CLSTN1: variants seen among roughly 807,000 people sequenced by gnomAD.
The protein encoded by CLSTN1 is calsyntenin 1, also known as calsyntenin-1.
A neutral mutation model predicts 108.3 loss-of-function variants in CLSTN1; 28 were observed. The ratio of observed to expected loss-of-function variants is 0.26; its 90% CI spans 0.19 to 0.35. The LOEUF (loss-of-function observed/expected upper bound fraction) is 0.35. Ranked by LOEUF, CLSTN1 falls within the 10% of genes least tolerant of loss-of-function variation. The pLI, the probability that CLSTN1 is intolerant of heterozygous loss-of-function variation, is 1.00. For synonymous variants in CLSTN1, 524 were observed against 534.9 expected, an observed-to-expected ratio of 0.98 and a Z score of 0.28; for missense variants, 1,157 against 1,302.6, an observed-to-expected ratio of 0.89 and a Z score of 1.72.
chr1:9,797,744 T>C lies in CLSTN1; in HGVS notation c.92-24350A>G, dbSNP rs554419861. Among the ~76,000 whole-genome samples the C allele has an allele frequency of 3.8e-4, 58 of 152,260 alleles. 1 individual carries two copies. The South Asian group carries it at 0.012, about 30-fold the overall frequency. Reference sequence around the variant, plus strand: ...GGCTTGGCTAGGAAATGAAAGAAGCTGATACGGAGAGAGAGAGGGGAGGAC... The same window carrying C: ...GGCTTGGCTAGGAAATGAAAGAAGCCGATACGGAGAGAGAGAGGGGAGGAC... On this transcript the variant is annotated intron_variant, in intron 1 of 18. Coordinates refer to ENST00000377298, the MANE Select transcript of CLSTN1 (RefSeq NM_001009566.3).
In CLSTN1 at chr1:9,730,462, C is replaced by T; in HGVS notation, c.*46G>A. On this transcript the variant is annotated 3_prime_UTR_variant, in exon 19 of 19. Transcript: ENST00000377298. This position sits in a 1 kb window ranked among gnomAD's most constrained non-coding sequence, Gnocchi z 5.6. ...CCCTTGGGACTGGGAGAACGGATGG[C>T]AGCAGAGTCTTCGAAAGCAGAAACC... 1.3e-6 allele frequency: 2 copies of T among 1,551,736 alleles called. No individual in the cohort carries two copies. The highest frequency in any genetic ancestry group is 8.8e-7 in the Non-Finnish European group (1 of 1,137,744).
Position 9,751,510 on chromosome 1 carries a change from G to C in CLSTN1, c.612C>G (p.Ile204Met), listed in dbSNP as rs1570452261. ...PQFSQICSYE[I>M]ITPDVPFTVD... ...CAGTAAAGGGCACGTCTGGAGTGAT[G>C]ATTTCGTAGCTGCAAATCTGGCTGA... Residue 204 changes from isoleucine (I) to methionine (M), a missense_variant, in exon 5 of 19, where the codon ATC becomes ATG. Physicochemically the swap from Ile to Met is conservative, Grantham distance 10. Transcript: ENST00000377298. 1 of 1,614,160 alleles carries C rather than the reference G, an allele frequency of 6.2e-7. No homozygotes were observed. The highest frequency in any genetic ancestry group is 1.3e-5 in the African/African-American group (1 of 75,044).
chr1:9,777,989 AGG>A (rs1347753071), intron 1 of CLSTN1, among the ~76,000 whole-genome samples: 1 of 151,872 alleles, frequency 6.6e-6, no homozygotes, highest in Non-Finnish European at 1.5e-5. Flanking sequence ...ACGGCAGGGG[AGG>A]GCACTGGAGC....
intron 10 of CLSTN1, among the ~76,000 whole-genome samples, chr1:9,739,588 A>G (rs943020995): frequency 6.6e-6 from 1 of 152,148 alleles, no homozygotes; most frequent in African/African-American, 2.4e-5. Context: ...TCATGCCTGT[A>G]ATCCCAGTAC....
chr1:9,819,840 T>C (rs967271354), intron 1 of CLSTN1, among the ~76,000 whole-genome samples: 24 of 152,208 alleles, frequency 1.6e-4, no homozygotes, highest in Admixed American at 1.4e-3. Context: ...CGAACGACTT[T>C]TTTCCACATC....
rs751890819 is a variant in CLSTN1 at position 9,744,455 on chromosome 1, T to G, written c.1174A>C (p.Met392Leu). 7 of 1,610,556 alleles carry G rather than the reference T, an allele frequency of 4.3e-6. No homozygotes were observed. Among genetic ancestry groups the G allele is most frequent in the Non-Finnish European group, 5.9e-6 (7 of 1,179,912 alleles). Residue 392 changes from methionine to leucine, a missense_variant, in exon 8 of 19, where the codon ATG (methionine) becomes CTG (leucine). Coordinates refer to ENST00000377298, the MANE Select transcript of CLSTN1 (RefSeq NM_001009566.3). ...TTCCTGCCGAATGGCCCATGTCTCA[T>G]CCACACCGAGATGGTGAACGGCTCT... ...PKEPFTISVW[M>L]RHGPFGRKKE...
chr1:9,780,874 C>T (rs567927724), intron 1 of CLSTN1: 1 of 282,972 alleles, frequency 3.5e-6, no homozygotes, highest in Non-Finnish European at 6.4e-6. Context: ...GGCAGCGAAT[C>T]CAAATGCGGT....
rs149205224 is a variant in CLSTN1 at position 9,741,209 on chromosome 1, C to T, written c.1404G>A (p.Pro468=). 135 of 1,613,912 alleles carry T rather than the reference C, an allele frequency of 8.4e-5. No individual in the cohort carries two copies. Among genetic ancestry groups the T allele is most frequent in the Middle Eastern group, 1.6e-4 (1 of 6,084 alleles). ...TGCCATCCACATAGAGAGTCACACT[C>T]GGGAATTCTACATTGAGGACGTAGT... The part of the protein sequence containing the change: ...WHHYVLNVEF[P]SVTLYVDGTS... The change falls in exon 10 of 19, where the codon CCG becomes CCA. Residue 468 remains proline (P), a synonymous_variant. Coordinates refer to ENST00000377298, the MANE Select transcript of CLSTN1 (RefSeq NM_001009566.3).
At chr1:9,788,683 C>T (rs1653611468) in intron 1 of CLSTN1, among the ~76,000 whole-genome samples, 1 of 150,974 alleles carries the variant, frequency 6.6e-6, no homozygotes, top group Non-Finnish European at 1.5e-5. Context: ...CTGGCTAACA[C>T]TTTGAAACCC....
intron 1 of CLSTN1, among the ~76,000 whole-genome samples, chr1:9,804,883 G>C (rs1654439880): frequency 1.3e-5 from 2 of 151,982 alleles, no homozygotes; most frequent in Non-Finnish European, 2.9e-5. Flanking sequence ...CCAGCACTTT[G>C]GGAGGCCGAA....
chr1:9,749,640 T>C lies in CLSTN1; in HGVS notation c.806A>G (p.Asn269Ser), dbSNP rs1307912879. The change falls in exon 7 of 19, where the codon AAC becomes AGC. Residue 269 changes from asparagine (N) to serine (S), a missense_variant. Coordinates refer to ENST00000377298, the MANE Select transcript of CLSTN1 (RefSeq NM_001009566.3). ...PTCTPGWQGW[N>S]NRIEYEPGTG... ...GCCCGGCTCATACTCAATCCTGTTG[T>C]TCCATCCTGTGTTGGTCCACAAGTC... 2.5e-6 allele frequency: 4 copies of C among 1,613,874 alleles called. No homozygotes were observed. Among genetic ancestry groups the C allele is most frequent in the East Asian group, 2.2e-5 (1 of 44,884 alleles).
At chr1:9,806,686 T>A (rs536529459) in intron 1 of CLSTN1, among the ~76,000 whole-genome samples, 2 of 152,120 alleles carry the variant, frequency 1.3e-5, no homozygotes, top group Non-Finnish European at 2.9e-5. Flanking sequence ...GAGACCATCC[T>A]GGCTAACATG....
At chr1:9,732,105 C>A (rs754207743) in intron 16 of CLSTN1, among the ~76,000 whole-genome samples, 66 of 152,010 alleles carry the variant, frequency 4.3e-4, no homozygotes, top group Non-Finnish European at 8.1e-4. Context: ...GAAACAAAAA[C>A]CAAACAAAAA....
chr1:9,775,355 C>A (rs547594983), intron 1 of CLSTN1, among the ~76,000 whole-genome samples: 1 of 151,664 alleles, frequency 6.6e-6, no homozygotes, highest in African/African-American at 2.4e-5. Flanking sequence ...CGGTGATGGC[C>A]CGGATCACTG....
At chr1:9,750,833 C>T (rs1239087912) in intron 5 of CLSTN1, among the ~76,000 whole-genome samples, 2 of 151,694 alleles carry the variant, frequency 1.3e-5, no homozygotes, top group African/African-American at 4.8e-5. Flanking sequence ...GGCGGATCAC[C>T]TGAGGTCAGG....
At chr1:9,824,344 T>A (rs1655328988), upstream of CLSTN1, 1 of 151,948 alleles carries the variant, frequency 6.6e-6, no homozygotes, top group Non-Finnish European at 1.5e-5. This position sits in a 1 kb window ranked among gnomAD's most constrained non-coding sequence, Gnocchi z 5.0. Flanking sequence ...GACCCGCTCC[T>A]CCTTCTCCAC....
intron 1 of CLSTN1, among the ~76,000 whole-genome samples, chr1:9,785,602 C>A (rs1653450394): frequency 6.6e-6 from 1 of 152,104 alleles, no homozygotes; most frequent in Admixed American, 6.6e-5. Context: ...GCCTCCCCAC[C>A]AAGATGTGCC....
At chr1:9,760,887 C>T (rs1376588020) in intron 2 of CLSTN1, among the ~76,000 whole-genome samples, 1 of 151,888 alleles carries the variant, frequency 6.6e-6, no homozygotes, top group Non-Finnish European at 1.5e-5. Context: ...TGCAGCTCCA[C>T]CACTCGCTAT....
intron 1 of CLSTN1, among the ~76,000 whole-genome samples, chr1:9,798,584 G>C (rs1454155530): frequency 1.3e-5 from 2 of 152,176 alleles, no homozygotes; most frequent in East Asian, 3.8e-4. Context: ...CCAAGTGCTG[G>C]GGGCAGAAGG....
Sources: gnomAD v4.1 joint callset for allele counts (sites outside exome capture counted in the v4.1 genomes callset) on GRCh38, gnomAD v4.1.1 for gene constraint, Gnocchi (gnomAD v3.1) non-coding constraint, MANE v1.5 for transcripts, NCBI Gene and HGNC (gene_info 2026-07-23, HGNC 2026-07-21) for gene names.